The following MRO variants were observed in gnomAD, a reference collection of about 807,000 sequenced individuals.
MRO encodes maestro.
Under a neutral mutation model 31.0 loss-of-function variants are expected in MRO, and 28 were observed. That is an observed-to-expected ratio of 0.90 (90% CI 0.67 to 1.24). The LOEUF is 1.24. Among genes scored for constraint, MRO ranks in the 50% most tolerant of loss-of-function variants. MRO has a pLI of 0.00. For missense variants in MRO, 332 were observed against 289.2 expected (o/e 1.15, Z -1.07); for synonymous variants, 108 against 108.4 (o/e 1.00, Z 0.02).
intron 5 of MRO, among the ~76,000 whole-genome samples, chr18:50,803,765 C>G (rs892692506): frequency 6.6e-6 from 1 of 152,244 alleles, no homozygotes; most frequent in African/African-American, 2.4e-5. Context: ...GGCCTCTTCT[C>G]CCCTTCTGTC....
intron 2 of MRO, chr18:50,815,499 G>C: frequency 3.3e-6 from 1 of 306,368 alleles, no homozygotes; most frequent in East Asian, 8.3e-5. Flanking sequence ...GGTGGACCAG[G>C]ATATGGAAAC....
Position 50,800,125 on chromosome 18 carries a change from G to C in MRO, c.604C>G (p.Gln202Glu). Residue 202 changes from glutamine to glutamate, a missense_variant, in exon 7 of 8, where the codon CAA becomes GAA. Coordinates refer to ENST00000398439, the MANE Select transcript of MRO (RefSeq NM_031939.6). ...AGTTTCAGATATGGAGAACAGGCTT[G>C]AAATGTTGTTTTGCAAGCCTGAGAA... ...QVAKACKTTF[Q>E]ACSPYLKLKE... is the part of the protein sequence containing the mutation. 1 of 1,611,870 alleles carries C rather than the reference G, an allele frequency of 6.2e-7. No homozygotes were observed. Among genetic ancestry groups the C allele is most frequent in the Non-Finnish European group, 8.5e-7 (1 of 1,178,600 alleles).
chr18:50,808,636 T>C (rs1342476424), intron 3 of MRO, among the ~76,000 whole-genome samples: 1 of 151,376 alleles, frequency 6.6e-6, no homozygotes, highest in Non-Finnish European at 1.5e-5. Context: ...TTTGTGTTTT[T>C]GGTAGAGACA....
At chr18:50,811,891 G>A (rs972622073) in intron 2 of MRO, among the ~76,000 whole-genome samples, 6 of 151,332 alleles carry the variant, frequency 4.0e-5, no homozygotes, top group Admixed American at 6.6e-5. Flanking sequence ...ACAGGCGTAC[G>A]CCACCATGCC....
chr18:50,810,076 C>T (rs887620826), intron 2 of MRO, among the ~76,000 whole-genome samples: 4 of 152,204 alleles, frequency 2.6e-5, no homozygotes, highest in African/African-American at 4.8e-5. Flanking sequence ...AGCAGTCCCC[C>T]TGCCTCAGCC....
intron 2 of MRO, among the ~76,000 whole-genome samples, chr18:50,813,074 G>A (rs1250408330): frequency 6.6e-6 from 1 of 152,152 alleles, no homozygotes; most frequent in African/African-American, 2.4e-5. Context: ...CTTTTCAACA[G>A]CTGTACTTTG....
chr18:50,817,926 A>C (rs1280654356), intron 2 of MRO, among the ~76,000 whole-genome samples: 1 of 152,074 alleles, frequency 6.6e-6, no homozygotes, highest in Admixed American at 6.5e-5. Flanking sequence ...TAGGAGTTAA[A>C]TCAAGGTCAC....
intron 2 of MRO, among the ~76,000 whole-genome samples, chr18:50,813,271 T>C (rs928996951): frequency 2.1e-4 from 32 of 152,174 alleles, no homozygotes; most frequent in African/African-American, 7.2e-4. Flanking sequence ...CCAACAGGAA[T>C]CTTCTCACCA....
chr18:50,819,949 T>G lies in MRO; in HGVS notation c.-179A>C, dbSNP rs975729713. ...GTTTTTCCTTCTCCTTGCTGTGATT[T>G]CCCCTCCTTCTTCCCTCATGCCAGC... On this transcript the variant is annotated 5_prime_UTR_variant, in exon 1 of 8. Coordinates refer to ENST00000398439, the MANE Select transcript of MRO (RefSeq NM_031939.6). 7.1e-6 allele frequency: 11 copies of G among 1,551,606 alleles called. No homozygotes were observed. Among genetic ancestry groups the G allele is most frequent in the Non-Finnish European group, 9.6e-6 (11 of 1,146,962 alleles).
At chr18:50,801,806 C>T (rs544617881) in intron 5 of MRO, among the ~76,000 whole-genome samples, 6 of 152,036 alleles carry the variant, frequency 3.9e-5, no homozygotes, top group South Asian at 2.1e-4. Flanking sequence ...ATTTTTTGTT[C>T]GTTATTTCAT....
chr18:50,799,726 C>T (rs1015891518), intron 7 of MRO, among the ~76,000 whole-genome samples: 9 of 151,988 alleles, frequency 5.9e-5, no homozygotes, highest in African/African-American at 1.7e-4. Flanking sequence ...GCCTGGGCAA[C>T]GTGGTGAAAC....
chr18:50,796,021 T>G lies in MRO; in HGVS notation c.*3316A>C, dbSNP rs1263123171. On this transcript the variant is annotated 3_prime_UTR_variant, in exon 8 of 8. Coordinates refer to ENST00000398439, the MANE Select transcript of MRO (RefSeq NM_031939.6). ...CAAGCAAAGCTCTACCCTGGGCACT[T>G]AGCATGAGGGTCGGGGCACTTGAAC... is the stretch of plus-strand genomic sequence containing the variant. 2 of 152,192 alleles carry G rather than the reference T, an allele frequency of 1.3e-5. No homozygotes were observed. The highest frequency in any genetic ancestry group is 4.8e-5 in the African/African-American group (2 of 41,456). The allele number at this position is 152,192 out of a possible 1,614,324, so 9.4% of individuals were successfully genotyped here.
At chr18:50,813,125 G>A (rs750278916) in intron 2 of MRO, among the ~76,000 whole-genome samples, 3 of 152,090 alleles carry the variant, frequency 2.0e-5, no homozygotes, top group Non-Finnish European at 2.9e-5. Flanking sequence ...ATGGGGACTC[G>A]GTTTCTCTGC....
At position 50,799,297 on chromosome 18, in the gene MRO, C is replaced by T. The variant is rs777359606; in HGVS notation, c.*40G>A. The T allele has an allele frequency of 6.5e-7, 1 of 1,545,474 alleles. No homozygotes were observed. Among genetic ancestry groups the T allele is most frequent in the East Asian group, 2.2e-5 (1 of 44,522 alleles). ...AAAACAGGGGAACATGATGGCTCAG[C>T]AATGCACTCATACAGAACCATTTCC... is the stretch of plus-strand genomic sequence containing the variant. On this transcript the variant is annotated 3_prime_UTR_variant, in exon 8 of 8. Coordinates refer to ENST00000398439, the MANE Select transcript of MRO (RefSeq NM_031939.6).
At chr18:50,807,640 C>T (rs753420425) in intron 3 of MRO, among the ~76,000 whole-genome samples, 10 of 152,190 alleles carry the variant, frequency 6.6e-5, no homozygotes, top group Non-Finnish European at 1.3e-4. Flanking sequence ...CATTTCAGCA[C>T]TGATGTAGTA....
Position 50,819,715 on chromosome 18 carries a change from A to C in MRO, c.-126-13T>G. On this transcript the variant is annotated splice_polypyrimidine_tract_variant and intron_variant, in intron 1 of 7. Transcript: ENST00000398439. ...CAGCCCTGAATTCCTAACATACAAGAAGGGAAATTAGGAGGTGACGCAGGG... is the reference window on the plus strand; with the variant it reads ...CAGCCCTGAATTCCTAACATACAAGCAGGGAAATTAGGAGGTGACGCAGGG... 1.3e-6 allele frequency: 2 copies of C among 1,548,550 alleles called. No individual in the cohort carries two copies. Among genetic ancestry groups the C allele is most frequent in the Non-Finnish European group, 1.7e-6 (2 of 1,144,846 alleles).
chr18:50,815,332 T>C (rs1285823987), intron 2 of MRO: 8 of 267,568 alleles, frequency 3.0e-5, no homozygotes, highest in Admixed American at 1.2e-4. Flanking sequence ...ATTTTTGCCG[T>C]GGTGGGAACT....
rs1168646304 is a variant in MRO, at chr18:50,798,029, A to C, written c.*1308T>G. The C allele has an allele frequency of 6.6e-6, 1 of 152,316 alleles. No homozygotes were observed. 9.4% of individuals were successfully genotyped at this position (152,316 alleles called of 1,614,324 possible). ...TTCCTCATTCTCAGAATGCCACTTA[A>C]GATCCAGCTATAGCTTTTATAATCC... is the stretch of plus-strand genomic sequence containing the variant. On this transcript the variant is annotated 3_prime_UTR_variant, in exon 8 of 8. Coordinates refer to ENST00000398439, the MANE Select transcript of MRO (RefSeq NM_031939.6).
At chr18:50,813,302 A>G (rs923627468) in intron 2 of MRO, among the ~76,000 whole-genome samples, 1 of 152,210 alleles carries the variant, frequency 6.6e-6, no homozygotes, top group African/African-American at 2.4e-5. Flanking sequence ...GCACCAAAAT[A>G]AAACCCCAGA....
Sources: gnomAD v4.1 joint callset for allele counts (sites outside exome capture counted in the v4.1 genomes callset) on GRCh38, gnomAD v4.1.1 for gene constraint, MANE v1.5 for transcripts, NCBI Gene and HGNC (gene_info 2026-07-23, HGNC 2026-07-21) for gene names.